Variants in AKAP12 observed in about 807,000 individuals in gnomAD.
AKAP12 encodes A-kinase anchoring protein 12, also known as A-kinase anchor protein 12.
In AKAP12, 32 loss-of-function variants were observed where a neutral mutation model predicts 79.9. The ratio of observed to expected loss-of-function variants is 0.40; its 90% CI spans 0.30 to 0.54. The LOEUF (loss-of-function observed/expected upper bound fraction) is 0.54. AKAP12 is among the 20% of genes least tolerant of loss of function. The pLI is 0.48. For missense variants in AKAP12, 2,074 were observed against 2,177.0 expected, an observed-to-expected ratio of 0.95 and a Z score of 0.94; for synonymous variants, 808 against 857.0, an observed-to-expected ratio of 0.94 and a Z score of 1.00.
At chr6:151,298,622 C>T (rs890594179) in intron 2 of AKAP12, among the ~76,000 whole-genome samples, 2 of 151,842 alleles carry the variant, frequency 1.3e-5, no homozygotes, top group African/African-American at 4.8e-5. Context: ...GGTGAAACCC[C>T]GTCTCTACTA....
chr6:151,294,804 G>A (rs953664950), intron 2 of AKAP12, among the ~76,000 whole-genome samples: 7 of 152,164 alleles, frequency 4.6e-5, no homozygotes, highest in Admixed American at 1.3e-4. Context: ...TATAAAGTAG[G>A]GAATACTTGA....
chr6:151,249,366 G>A (rs917697907), intron 2 of AKAP12, among the ~76,000 whole-genome samples: 2 of 152,124 alleles, frequency 1.3e-5, no homozygotes, highest in Non-Finnish European at 2.9e-5. Flanking sequence ...ATATAATAGA[G>A]ACAAGGTCTC....
intron 2 of AKAP12, among the ~76,000 whole-genome samples, chr6:151,275,037 G>A (rs1776263880): frequency 6.6e-6 from 1 of 152,126 alleles, no homozygotes; most frequent in Admixed American, 6.6e-5. Flanking sequence ...CTGGGAGGTC[G>A]AGGCTGCAGT....
At chr6:151,324,264 C>A (rs1369291914) in intron 3 of AKAP12, 3 of 985,404 alleles carry the variant, frequency 3.0e-6, no homozygotes, top group South Asian at 9.4e-5. Flanking sequence ...CCCATCATTC[C>A]CTGTTCCCGC....
chr6:151,332,954 T>G (rs762694157), intron 3 of AKAP12, among the ~76,000 whole-genome samples: 1 of 152,080 alleles, frequency 6.6e-6, no homozygotes, highest in Non-Finnish European at 1.5e-5. Context: ...GCGGGGTCAT[T>G]CAATCACACA....
At position 151,332,033 on chromosome 6, in the gene AKAP12, G is replaced by GTTTTTTTTTTT. The variant is rs71014573; in HGVS notation, c.320-16667_320-16657dup. Among the ~76,000 whole-genome samples the GTTTTTTTTTTT allele has an allele frequency of 1.5e-4, 12 of 79,676 alleles. 1 individual carries two copies. The highest frequency in any genetic ancestry group is 6.5e-4 in the African/African-American group (12 of 18,432). 52.3% of individuals were successfully genotyped at this position (79,676 alleles called of 152,430 possible). On this transcript the variant is annotated intron_variant, in intron 3 of 4. Transcript: ENST00000402676. ...GAGTAGCACGTCCAGTTCTGGGTCT[G>GTTTTTTTTTTT]TTTTTTTTTTTTTTTTTTTTTGAGA...
chr6:151,333,132 C>T (rs1321603019), intron 3 of AKAP12, among the ~76,000 whole-genome samples: 1 of 152,092 alleles, frequency 6.6e-6, no homozygotes, highest in Non-Finnish European at 1.5e-5. Context: ...ATGAAAATTC[C>T]ATAGGAGTTT....
At chr6:151,326,929 G>A (rs1016723022) in intron 3 of AKAP12, among the ~76,000 whole-genome samples, 2 of 152,030 alleles carry the variant, frequency 1.3e-5, no homozygotes, top group African/African-American at 4.8e-5. Context: ...CGATTCTCCT[G>A]CCTCAGCCTC....
chr6:151,341,644 C>T (rs1777951858), intron 3 of AKAP12: 12 of 1,064,248 alleles, frequency 1.1e-5, no homozygotes, highest in South Asian at 2.0e-5. Context: ...CTGCCCCTGC[C>T]GGCGGGCTGC....
chr6:151,286,833 T>TACAAA (rs765137788), intron 2 of AKAP12, among the ~76,000 whole-genome samples: 3 of 152,242 alleles, frequency 2.0e-5, no homozygotes, highest in Non-Finnish European at 4.4e-5. Context: ...TCAGGTCTTT[T>TACAAA]ACAAAACAAA....
At chr6:151,258,179 C>T (rs914456386) in intron 2 of AKAP12, among the ~76,000 whole-genome samples, 4 of 152,198 alleles carry the variant, frequency 2.6e-5, no homozygotes, top group Non-Finnish European at 5.9e-5. Context: ...GCAATGAATA[C>T]TGGAGGTATT....
intron 3 of AKAP12, among the ~76,000 whole-genome samples, chr6:151,336,370 T>C (rs946131240): frequency 2.6e-5 from 4 of 152,224 alleles, no homozygotes; most frequent in Non-Finnish European, 2.9e-5. Flanking sequence ...CTCTTACTAA[T>C]TTACATTCCC....
At chr6:151,344,128 T>C (rs1778023457) in intron 3 of AKAP12, among the ~76,000 whole-genome samples, 1 of 152,250 alleles carries the variant, frequency 6.6e-6, no homozygotes, top group East Asian at 1.9e-4. Context: ...CCTTTAGGAA[T>C]GCGCCTCAGA....
chr6:151,305,067 T>C (rs1174826793), intron 2 of AKAP12, among the ~76,000 whole-genome samples: 1 of 152,156 alleles, frequency 6.6e-6, no homozygotes, highest in Non-Finnish European at 1.5e-5. Context: ...CTGCACCCCG[T>C]TTATCCTTTT....
rs2114756286 is a variant in AKAP12 at position 151,305,603 on chromosome 6, T to C, written c.163-144T>C. 6.2e-6 allele frequency: 5 copies of C among 802,512 alleles called. No individual in the cohort carries two copies. The South Asian group carries it at 6.3e-5, about 10-fold the overall frequency. The allele number at this position is 802,512 out of a possible 1,614,324, so 49.7% of individuals were successfully genotyped here. A position where few individuals can be genotyped will look rare whatever the true frequency, so the allele number is the denominator to read the frequency against. ...GGTAGCTGGATCTTTCAGACAAATA[T>C]AAGACTTAACTCTTCATTGTTTTTG... On this transcript the variant is annotated intron_variant, in intron 2 of 4. Transcript: ENST00000402676.
At chr6:151,303,186 AT>A (rs35267332) in intron 2 of AKAP12, among the ~76,000 whole-genome samples, 22,011 of 152,116 alleles carry the variant, frequency 0.14, 1,804 homozygotes, top group Middle Eastern at 0.23. Flanking sequence ...GCGAAAATCC[AT>A]CTCAAAAATA....
At chr6:151,327,319 C>G (rs1229126447) in intron 3 of AKAP12, among the ~76,000 whole-genome samples, 1 of 152,108 alleles carries the variant, frequency 6.6e-6, no homozygotes, top group African/African-American at 2.4e-5. Context: ...GTTGACTTGG[C>G]TAACCTTTCT....
At chr6:151,246,184 C>T (rs1034998933) in intron 2 of AKAP12, among the ~76,000 whole-genome samples, 1 of 152,058 alleles carries the variant, frequency 6.6e-6, no homozygotes, top group Non-Finnish European at 1.5e-5. Flanking sequence ...TTTGGGAGGC[C>T]GAGGCAGGTG....
chr6:151,306,153 T>C (rs1013315252), intron 3 of AKAP12, among the ~76,000 whole-genome samples: 4 of 152,202 alleles, frequency 2.6e-5, no homozygotes, highest in African/African-American at 9.6e-5. Flanking sequence ...CCCAACTGCT[T>C]GTCTGGAGTT....
Sources: gnomAD v4.1 joint callset for allele counts (sites outside exome capture counted in the v4.1 genomes callset) on GRCh38, gnomAD v4.1.1 for gene constraint, MANE v1.5 for transcripts, NCBI Gene and HGNC (gene_info 2026-07-23, HGNC 2026-07-21) for gene names.